PARD3B: variants seen among roughly 807,000 people sequenced by gnomAD.
The protein encoded by PARD3B is partitioning defective 3 homolog B.
In PARD3B, 103 loss-of-function variants were observed where a neutral mutation model predicts 130.2. That is an observed-to-expected ratio of 0.79 (90% CI 0.67 to 0.93). The LOEUF is 0.93. PARD3B is among the 40% of genes least tolerant of loss of function. PARD3B has a pLI of 0.00. For missense variants in PARD3B, 1,609 were observed against 1,499.2 expected, an observed-to-expected ratio of 1.07 and a Z score of -1.21; for synonymous variants, 583 against 553.2, an observed-to-expected ratio of 1.05 and a Z score of -0.76.
At chr2:204,895,449 G>T (rs1310815064) in intron 2 of PARD3B, among the ~76,000 whole-genome samples, 1 of 151,970 alleles carries the variant, frequency 6.6e-6, no homozygotes, top group Non-Finnish European at 1.5e-5. Context: ...GCCAAAGCTA[G>T]TGTTTTTCAG....
chr2:204,949,933 C>T (rs1689626973), intron 2 of PARD3B, among the ~76,000 whole-genome samples: 1 of 152,146 alleles, frequency 6.6e-6, no homozygotes, highest in Non-Finnish European at 1.5e-5. Flanking sequence ...TAAGCACTCT[C>T]TAGATACAAG....
intron 16 of PARD3B, among the ~76,000 whole-genome samples, chr2:205,283,377 T>G (rs1409966360): frequency 6.6e-6 from 1 of 152,152 alleles, no homozygotes; most frequent in Non-Finnish European, 1.5e-5. Flanking sequence ...CTCAATCTCC[T>G]GGGCTCAAGG....
intron 2 of PARD3B, among the ~76,000 whole-genome samples, chr2:204,961,698 T>C (rs1035670119): frequency 3.1e-4 from 47 of 152,018 alleles, no homozygotes; most frequent in African/African-American, 1.1e-3. Context: ...AAAAGAAAAC[T>C]TGATGGGGGC....
At chr2:205,056,646 A>G (rs992872516) in intron 4 of PARD3B, among the ~76,000 whole-genome samples, 3 of 151,876 alleles carry the variant, frequency 2.0e-5, no homozygotes, top group Non-Finnish European at 4.4e-5. Context: ...CTGGCTGGAA[A>G]TTTTCAGACT....
intron 2 of PARD3B, among the ~76,000 whole-genome samples, chr2:204,869,510 T>G (rs938991947): frequency 6.6e-6 from 1 of 152,166 alleles, no homozygotes; most frequent in East Asian, 1.9e-4. Flanking sequence ...AATCTAAAAT[T>G]AGAGCCTGAA....
intron 1 of PARD3B, among the ~76,000 whole-genome samples, chr2:204,660,003 C>T (rs1370059986): frequency 2.0e-5 from 3 of 152,090 alleles, no homozygotes; most frequent in South Asian, 4.1e-4. Context: ...ACATGGGGAC[C>T]TCAGAGGAAA....
At chr2:204,728,506 A>G (rs929821676) in intron 2 of PARD3B, among the ~76,000 whole-genome samples, 2 of 152,156 alleles carry the variant, frequency 1.3e-5, no homozygotes, top group Non-Finnish European at 2.9e-5. Context: ...TATGAAATGT[A>G]AAGGAGAAGG....
intron 19 of PARD3B, among the ~76,000 whole-genome samples, chr2:205,406,485 A>C (rs2106033576): frequency 6.6e-6 from 1 of 152,184 alleles, no homozygotes; most frequent in Admixed American, 6.5e-5. Flanking sequence ...TCACATAAAT[A>C]TTGGACTAGA....
chr2:204,946,467 G>A (rs236832), intron 2 of PARD3B, among the ~76,000 whole-genome samples: 116,622 of 151,986 alleles, frequency 0.77, 45,590 homozygotes, highest in African/African-American at 0.91. Context: ...CATTTTTTCT[G>A]TTAAATCAAC....
chr2:205,256,382 A>G (rs983129280), intron 16 of PARD3B, among the ~76,000 whole-genome samples: 7 of 152,150 alleles, frequency 4.6e-5, no homozygotes, highest in African/African-American at 1.7e-4. Flanking sequence ...AACTGCTACA[A>G]ATACAAAGTG....
intron 2 of PARD3B, among the ~76,000 whole-genome samples, chr2:204,875,627 G>A (rs2045811353): frequency 6.6e-6 from 1 of 152,170 alleles, no homozygotes; most frequent in East Asian, 1.9e-4. Flanking sequence ...AAGAGAAACG[G>A]TGTCACAAAG....
At position 205,500,132 on chromosome 2, in the gene PARD3B, T is replaced by A. The variant is rs1158034813; in HGVS notation, c.3180+101T>A. The A allele has an allele frequency of 3.0e-6, 4 of 1,342,498 alleles. No individual in the cohort carries two copies. In the African/African-American group the frequency reaches 4.3e-5, roughly 15 times the overall value. 83.2% of individuals were successfully genotyped at this position (1,342,498 alleles called of 1,614,324 possible). A position where few individuals can be genotyped will look rare whatever the true frequency, so the allele number is the denominator to read the frequency against. ...ATGTTCTGTACATACCAGATTCTAT[T>A]TAGGTTTCTTGGGCTTCATAGACAG... On this transcript the variant is annotated intron_variant, in intron 21 of 22. Coordinates refer to ENST00000406610, the MANE Select transcript of PARD3B (RefSeq NM_001302769.2).
At position 205,421,910 on chromosome 2, in the gene PARD3B, C is replaced by G. The variant is rs1242671541; in HGVS notation, c.2742-18460C>G. Among the ~76,000 whole-genome samples, 5 of 152,288 alleles carry G rather than the reference C, an allele frequency of 3.3e-5. No homozygotes were observed. Among genetic ancestry groups the G allele is most frequent in the African/African-American group, 9.6e-5 (4 of 41,562 alleles). On this transcript the variant is annotated intron_variant, in intron 19 of 22. Transcript: ENST00000406610. This position sits in a 1 kb window ranked among gnomAD's most constrained non-coding sequence, Gnocchi z 5.1. ...TTGTCACTTGGCCTTCTCTCTCAGA[C>G]CTTGCTTTGTCTGTTTCCATCATCA...
intron 12 of PARD3B, among the ~76,000 whole-genome samples, chr2:205,174,012 C>G (rs1318139781): frequency 6.6e-6 from 1 of 152,164 alleles, no homozygotes; most frequent in Admixed American, 6.5e-5. Context: ...GAAAAAACTG[C>G]TGTAGCATAA....
intron 1 of PARD3B, among the ~76,000 whole-genome samples, chr2:204,575,473 A>G (rs1476176461): frequency 6.6e-6 from 1 of 152,172 alleles, no homozygotes; most frequent in Non-Finnish European, 1.5e-5. Context: ...ACCCTCTGAA[A>G]CCCCTTGATG....
At chr2:205,129,029 A>G (rs1370209695) in intron 10 of PARD3B, among the ~76,000 whole-genome samples, 1 of 152,202 alleles carries the variant, frequency 6.6e-6, no homozygotes. Flanking sequence ...TATGAGTGCA[A>G]ACAAATTATT....
chr2:205,477,605 A>AAAAAT lies in PARD3B; in HGVS notation c.3045-22289_3045-22288insAATAA, dbSNP rs112409918. Among the ~76,000 whole-genome samples, 1,191 of 152,054 alleles carry AAAAAT rather than the reference A, an allele frequency of 7.8e-3. 14 individuals carry two copies. Among genetic ancestry groups the AAAAAT allele is most frequent in the African/African-American group, 0.026 (1,085 of 41,350 alleles). ...TGAACCATTGCTCTGTTAAAAAAAA[A>AAAAAT]AATAAGCACATGATTTAGCCTCTCT... is the stretch of plus-strand genomic sequence containing the variant. On this transcript the variant is annotated intron_variant, in intron 20 of 22. Coordinates refer to ENST00000406610, the MANE Select transcript of PARD3B (RefSeq NM_001302769.2).
chr2:204,618,255 A>G (rs532351989), intron 1 of PARD3B, among the ~76,000 whole-genome samples: 1 of 152,288 alleles, frequency 6.6e-6, no homozygotes, highest in Non-Finnish European at 1.5e-5. Flanking sequence ...TGTGCCCTGA[A>G]TAGTGCTGTG....
In PARD3B at chr2:205,057,571, ATATGTG is replaced by A. The variant is rs1310321497; in HGVS notation, c.504+9891_504+9896del. On this transcript the variant is annotated intron_variant, in intron 4 of 22. Transcript: ENST00000406610. ...TGTATATGTATATATACATATATGT[ATATGTG>A]TATGTGTATACGTATATATACATAT... is the stretch of plus-strand genomic sequence containing the variant. Among the ~76,000 whole-genome samples the A allele has an allele frequency of 7.0e-5, 10 of 142,848 alleles. 2 individuals carry two copies. Among genetic ancestry groups the A allele is most frequent in the South Asian group, 6.5e-4 (3 of 4,628 alleles). The allele number at this position is 142,848 out of a possible 152,430, so 93.7% of individuals were successfully genotyped here.
Sources: gnomAD v4.1 joint callset for allele counts (sites outside exome capture counted in the v4.1 genomes callset) on GRCh38, gnomAD v4.1.1 for gene constraint, Gnocchi (gnomAD v3.1) non-coding constraint, MANE v1.5 for transcripts, NCBI Gene and HGNC (gene_info 2026-07-23, HGNC 2026-07-21) for gene names.